Variants in RSRC1 observed in about 807,000 individuals in gnomAD.
RSRC1 encodes the protein arginine and serine rich coiled-coil 1.
Under a neutral mutation model 49.1 loss-of-function variants are expected in RSRC1, and 39 were observed. The observed-to-expected ratio is 0.79, with a 90% CI of 0.61 to 1.04. The LOEUF (loss-of-function observed/expected upper bound fraction) is 1.04, where lower values mean the gene tolerates loss of function less well. Ranked by LOEUF, RSRC1 falls within the 50% of genes least tolerant of loss-of-function variation. The pLI is 0.00. For synonymous variants in RSRC1, 143 were observed against 130.8 expected, an observed-to-expected ratio of 1.09 and a Z score of -0.63; for missense variants, 388 against 402.4, an observed-to-expected ratio of 0.96 and a Z score of 0.31.
At position 158,356,734 on chromosome 3, in the gene RSRC1, T is replaced by C. The variant is rs945162218; in HGVS notation, c.583+1826T>C. 4.3e-4 allele frequency among the ~76,000 whole-genome samples: 65 copies of C among 152,262 alleles called. 1 individual carries two copies. The highest frequency in any genetic ancestry group is 1.5e-3 in the African/African-American group (64 of 41,592). On this transcript the variant is annotated intron_variant, in intron 6 of 9. Coordinates refer to ENST00000611884, the MANE Select transcript of RSRC1 (RefSeq NM_001271838.2). ...CCTAATTGAGTATTCCAGCTCATAATTGAGTAAACCCTTGCTTTGAAGGAA... is the reference window on the plus strand; with the variant it reads ...CCTAATTGAGTATTCCAGCTCATAACTGAGTAAACCCTTGCTTTGAAGGAA...
chr3:158,296,129 T>G (rs1302317965), intron 4 of RSRC1, among the ~76,000 whole-genome samples: 1 of 152,102 alleles, frequency 6.6e-6, no homozygotes, highest in Non-Finnish European at 1.5e-5. Context: ...AATCTGATCA[T>G]TTTCGTTCTT....
At chr3:158,443,260 A>G (rs1736486107) in intron 6 of RSRC1, among the ~76,000 whole-genome samples, 1 of 152,098 alleles carries the variant, frequency 6.6e-6, no homozygotes, top group African/African-American at 2.4e-5. Context: ...ACCTATGACA[A>G]TCCTAGATGG....
Position 158,524,506 on chromosome 3 carries a change from A to T in RSRC1, c.653-12586A>T, listed in dbSNP as rs144669176. Among the ~76,000 whole-genome samples the T allele has an allele frequency of 2.5e-4, 38 of 152,144 alleles. No homozygotes were observed. In the East Asian group the frequency reaches 4.3e-3, roughly 17 times the overall value. ...TAAATTTAATGTTTGTTCTTGCTTC[A>T]ATCTTTGCAGAATTCATATTCTGAT... On this transcript the variant is annotated intron_variant, in intron 7 of 9. Transcript: ENST00000611884.
intron 7 of RSRC1, among the ~76,000 whole-genome samples, chr3:158,527,272 A>C (rs149552085): frequency 2.7e-3 from 415 of 151,896 alleles, no homozygotes; most frequent in African/African-American, 9.8e-3. Flanking sequence ...AATGCCATAC[A>C]TGTACCCTTT....
intron 5 of RSRC1, among the ~76,000 whole-genome samples, chr3:158,320,000 T>C (rs1728672562): frequency 6.6e-6 from 1 of 152,212 alleles, no homozygotes; most frequent in African/African-American, 2.4e-5. Context: ...TAATCAACTA[T>C]AGGAGGAGAT....
At chr3:158,197,300 T>C (rs1095789) in intron 3 of RSRC1, among the ~76,000 whole-genome samples, 58,915 of 151,868 alleles carry the variant, frequency 0.39, 12,268 homozygotes, top group East Asian at 0.64. Context: ...GAGGTGTTTA[T>C]AGTATTCTCT....
intron 7 of RSRC1, among the ~76,000 whole-genome samples, chr3:158,461,312 G>T (rs928386252): frequency 6.6e-6 from 1 of 151,848 alleles, no homozygotes; most frequent in African/African-American, 2.4e-5. Flanking sequence ...CACAGAAATA[G>T]ATTGAACCTT....
chr3:158,480,076 A>G (rs947251728), intron 7 of RSRC1, among the ~76,000 whole-genome samples: 1 of 152,034 alleles, frequency 6.6e-6, no homozygotes, highest in African/African-American at 2.4e-5. Context: ...AGCATAGAAA[A>G]CTACATGGGG....
At chr3:158,425,198 C>A (rs2108346352) in intron 6 of RSRC1, among the ~76,000 whole-genome samples, 1 of 152,064 alleles carries the variant, frequency 6.6e-6, no homozygotes, top group Admixed American at 6.6e-5. Context: ...ATTTTTCCTG[C>A]TTTGTCTTGT....
At chr3:158,264,270 C>A (rs958230653) in intron 4 of RSRC1, among the ~76,000 whole-genome samples, 8 of 151,976 alleles carry the variant, frequency 5.3e-5, no homozygotes, top group African/African-American at 1.9e-4. Context: ...TTGATTTGTT[C>A]TTTCTCCATG....
chr3:158,191,917 G>C (rs1298454150), intron 3 of RSRC1, among the ~76,000 whole-genome samples: 1 of 152,002 alleles, frequency 6.6e-6, no homozygotes, highest in East Asian at 1.9e-4. Context: ...CAGGATGTGA[G>C]TTTTATTCAA....
intron 4 of RSRC1, among the ~76,000 whole-genome samples, chr3:158,285,183 T>C (rs537450893): frequency 6.6e-6 from 1 of 152,338 alleles, no homozygotes; most frequent in Non-Finnish European, 1.5e-5. Flanking sequence ...TTGTCAGGTT[T>C]GTCAAAGATC....
chr3:158,453,169 C>T (rs1401617291), intron 6 of RSRC1, among the ~76,000 whole-genome samples: 1 of 151,970 alleles, frequency 6.6e-6, no homozygotes, highest in Non-Finnish European at 1.5e-5. Flanking sequence ...TTTGTCATTA[C>T]AAATAGTGCT....
intron 4 of RSRC1, among the ~76,000 whole-genome samples, chr3:158,288,456 G>T (rs930716611): frequency 6.6e-6 from 1 of 152,182 alleles, no homozygotes; most frequent in Non-Finnish European, 1.5e-5. Context: ...GTGTTGAGTT[G>T]CACCTGGCCT....
chr3:158,342,858 T>A (rs1184974832), intron 5 of RSRC1, among the ~76,000 whole-genome samples: 1 of 152,000 alleles, frequency 6.6e-6, no homozygotes, highest in East Asian at 1.9e-4. Context: ...AAAAATGAGG[T>A]GATTCCTATG....
chr3:158,422,951 A>T (rs1300229299), intron 6 of RSRC1, among the ~76,000 whole-genome samples: 2 of 151,962 alleles, frequency 1.3e-5, no homozygotes, highest in African/African-American at 2.4e-5. Flanking sequence ...AATTTGTTGG[A>T]GGTCATTGTA....
intron 3 of RSRC1, among the ~76,000 whole-genome samples, chr3:158,134,130 G>A (rs1716213650): frequency 6.6e-6 from 1 of 152,110 alleles, no homozygotes; most frequent in African/African-American, 2.4e-5. Context: ...ATATTGCTGA[G>A]TGAAGATTAG....
At chr3:158,463,647 A>G (rs1296977071) in intron 7 of RSRC1, among the ~76,000 whole-genome samples, 4 of 152,132 alleles carry the variant, frequency 2.6e-5, no homozygotes, top group Non-Finnish European at 4.4e-5. Context: ...CAGAAAAGCT[A>G]TTGTATTAGC....
intron 6 of RSRC1, 32 bp from the exon 7 acceptor site, chr3:158,460,903 T>C (rs1156446986): frequency 4.0e-6 from 6 of 1,489,178 alleles, no homozygotes; most frequent in Non-Finnish European, 5.5e-6. Context: ...AGGCATAAAA[T>C]AAGTACAAAA....
Sources: allele counts gnomAD v4.1 joint callset (sites outside exome capture counted in the v4.1 genomes callset), GRCh38; gene constraint gnomAD v4.1.1; transcripts MANE v1.5; gene names NCBI Gene and HGNC (gene_info 2026-07-23, HGNC 2026-07-21).